The following FAM177A1 variants were observed in gnomAD, a reference collection of about 807,000 sequenced individuals.
FAM177A1 encodes family with sequence similarity 177 member A1, also known as protein FAM177A1.
In FAM177A1, 22 loss-of-function variants were observed where a neutral mutation model predicts 26.1. That is an observed-to-expected ratio of 0.84 (90% CI 0.60 to 1.20). The LOEUF is 1.20. FAM177A1 is among the 50% of genes most tolerant of loss of function. The probability of loss-of-function intolerance (pLI) is 0.00; values close to 1 mark genes in which losing one functional copy is unlikely to be tolerated. For missense variants in FAM177A1, 296 were observed against 291.1 expected, an observed-to-expected ratio of 1.02 and a Z score of -0.12; for synonymous variants, 95 against 99.3, an observed-to-expected ratio of 0.96 and a Z score of 0.26.
At position 35,077,285 on chromosome 14, in the gene FAM177A1, T is replaced by C. The variant is rs551753207; in HGVS notation, c.406+69T>C. ...CTTCAGCAACAGGAACTTTGCTAAATAGGATGTTTCCAAACTGAAGGAGAA... is the reference window on the plus strand; with the variant it reads ...CTTCAGCAACAGGAACTTTGCTAAACAGGATGTTTCCAAACTGAAGGAGAA... On this transcript the variant is annotated intron_variant, in intron 3 of 4. Transcript: ENST00000280987. 9 of 1,415,018 alleles carry C rather than the reference T, an allele frequency of 6.4e-6. No homozygotes were observed. The African/African-American group carries it at 9.9e-5, about 16-fold the overall frequency. 87.7% of individuals were successfully genotyped at this position (1,415,018 alleles called of 1,614,324 possible).
chr14:35,072,970 G>T (rs374569218), intron 2 of FAM177A1, among the ~76,000 whole-genome samples: 11 of 152,290 alleles, frequency 7.2e-5, no homozygotes, highest in African/African-American at 2.6e-4. Context: ...AATTTGTTTC[G>T]TGTTGATGTC....
rs1380213974 is a variant in FAM177A1 at position 35,081,485 on chromosome 14, G to A, written c.*257G>A. 3.5e-6 allele frequency: 1 copy of A among 285,076 alleles called. No individual in the cohort carries two copies. The highest frequency in any genetic ancestry group is 6.4e-6 in the Non-Finnish European group (1 of 156,336). The allele number at this position is 285,076 out of a possible 1,614,324, so 17.7% of individuals were successfully genotyped here. On this transcript the variant is annotated 3_prime_UTR_variant, in exon 5 of 5. Coordinates refer to ENST00000280987, the MANE Select transcript of FAM177A1 (RefSeq NM_173607.5). Reference sequence around the variant, plus strand: ...AAAATGATCTTTTAAAAAAGTTAAGGACATCCTAGAGCCTTAATAGTTAAG... The same window carrying A: ...AAAATGATCTTTTAAAAAAGTTAAGAACATCCTAGAGCCTTAATAGTTAAG...
intron 2 of FAM177A1, among the ~76,000 whole-genome samples, chr14:35,057,434 G>A (rs1199982442): frequency 6.6e-6 from 1 of 151,822 alleles, no homozygotes; most frequent in African/African-American, 2.4e-5. Flanking sequence ...CCAGGCTGGA[G>A]AGTGGCATGA....
intron 2 of FAM177A1, among the ~76,000 whole-genome samples, chr14:35,071,008 T>C (rs1595053363): frequency 6.6e-6 from 1 of 151,928 alleles, no homozygotes; most frequent in East Asian, 1.9e-4. Context: ...TCTTTCTTTT[T>C]TTTTTTGAGA....
Position 35,082,661 on chromosome 14 carries a change from T to C in FAM177A1, c.*1433T>C, listed in dbSNP as rs2045503867. 1 of 152,200 alleles carries C rather than the reference T, an allele frequency of 6.6e-6. No homozygotes were observed. The highest frequency in any genetic ancestry group is 2.1e-4 in the South Asian group (1 of 4,834). The allele number at this position is 152,200 out of a possible 1,614,324, so 9.4% of individuals were successfully genotyped here. A position where few individuals can be genotyped will look rare whatever the true frequency, so the allele number is the denominator to read the frequency against. ...AAGAATGTGTGGAGTGTTTCAGAAA[T>C]TTTGATCTTAAAAGCCTTTTCAGAA... is the stretch of plus-strand genomic sequence containing the variant. On this transcript the variant is annotated 3_prime_UTR_variant, in exon 5 of 5. Coordinates refer to ENST00000280987, the MANE Select transcript of FAM177A1 (RefSeq NM_173607.5).
chr14:35,078,753 G>A (rs533654975), intron 3 of FAM177A1, among the ~76,000 whole-genome samples, 174 bp from the exon 4 acceptor site: 9 of 152,238 alleles, frequency 5.9e-5, no homozygotes, highest in African/African-American at 2.2e-4. Context: ...TGAAGCCACC[G>A]GTACTTCTTG....
intron 2 of FAM177A1, among the ~76,000 whole-genome samples, chr14:35,059,352 C>A (rs904128254): frequency 1.3e-5 from 2 of 151,904 alleles, no homozygotes; most frequent in African/African-American, 2.4e-5. Flanking sequence ...TTTTTTTAAT[C>A]CAATCTAACA....
intron 2 of FAM177A1, among the ~76,000 whole-genome samples, chr14:35,060,744 A>G (rs2045138799): frequency 6.6e-6 from 1 of 152,198 alleles, no homozygotes; most frequent in South Asian, 2.1e-4. Context: ...TCCCAGTTAC[A>G]GTAGTCCCCC....
intron 2 of FAM177A1, among the ~76,000 whole-genome samples, chr14:35,071,634 T>C (rs1051065992): frequency 3.3e-5 from 5 of 152,190 alleles, no homozygotes; most frequent in African/African-American, 1.2e-4. Flanking sequence ...ATGATAAATG[T>C]TATTCAGGAA....
intron 1 of FAM177A1, among the ~76,000 whole-genome samples, chr14:35,052,003 G>C (rs1200350248): frequency 6.6e-6 from 1 of 152,140 alleles, no homozygotes; most frequent in African/African-American, 2.4e-5. Context: ...AATCTTTATA[G>C]AGAACAAAAT....
chr14:35,055,407 A>G (rs2045045303), intron 2 of FAM177A1, among the ~76,000 whole-genome samples: 1 of 151,696 alleles, frequency 6.6e-6, no homozygotes, highest in Non-Finnish European at 1.5e-5. Context: ...GGGGTACATA[A>G]CTAGGACTAG....
chr14:35,081,151 A>C lies in FAM177A1; in HGVS notation c.634A>C (p.Asn212His), dbSNP rs369006342. Residue 212 changes from asparagine (N) to histidine (H), a missense_variant, in exon 5 of 5, where the codon AAT (asparagine) becomes CAT (histidine). Asn to His is a moderately conservative substitution (Grantham distance 68, BLOSUM62 1). Coordinates refer to ENST00000280987, the MANE Select transcript of FAM177A1 (RefSeq NM_173607.5). ...GACAGTGATATCCAGCTCATTTGTG[A>C]ATGTCAATTTTGAAATGGAGGGAGA... ...PETVISSSFV[N>H]VNFEMEGDSE... The C allele has an allele frequency of 5.6e-5, 90 of 1,613,622 alleles. No homozygotes were observed. Among genetic ancestry groups the C allele is most frequent in the Non-Finnish European group, 7.3e-5 (86 of 1,179,868 alleles).
rs2139050580 is a variant in FAM177A1 at position 35,046,282 on chromosome 14, T to C, written c.-182T>C. The C allele has an allele frequency of 1.6e-6, 1 of 618,198 alleles. No individual in the cohort carries two copies. Among genetic ancestry groups the C allele is most frequent in the Non-Finnish European group, 2.5e-6 (1 of 402,758 alleles). The allele number at this position is 618,198 out of a possible 1,614,324, so 38.3% of individuals were successfully genotyped here. On this transcript the variant is annotated 5_prime_UTR_variant, in exon 1 of 5. Coordinates refer to ENST00000280987, the MANE Select transcript of FAM177A1 (RefSeq NM_173607.5). ...GTAGTTGCGCCTCCCAGACTGCAGT[T>C]GGCCAGCTCTCGGGGTGCGGAGCCC...
At chr14:35,070,983 T>TTTTC (rs142474332) in intron 2 of FAM177A1, among the ~76,000 whole-genome samples, 22,956 of 150,238 alleles carry the variant, frequency 0.15, 1,917 homozygotes, top group Middle Eastern at 0.21. Flanking sequence ...TTGACCTCCA[T>TTTTC]TTTCTTTCTT....
At chr14:35,079,632 C>T (rs1173173215) in intron 4 of FAM177A1, among the ~76,000 whole-genome samples, 1 of 152,170 alleles carries the variant, frequency 6.6e-6, no homozygotes, top group Non-Finnish European at 1.5e-5. Flanking sequence ...CCTCTATAAG[C>T]CTCAATCTCC....
At chr14:35,048,750 G>A (rs2044915376) in intron 1 of FAM177A1, among the ~76,000 whole-genome samples, 2 of 152,044 alleles carry the variant, frequency 1.3e-5, no homozygotes, top group South Asian at 4.1e-4. Flanking sequence ...AGGAGATGGA[G>A]AGGCCTCTAT....
At chr14:35,056,557 A>G (rs1482605288) in intron 2 of FAM177A1, among the ~76,000 whole-genome samples, 2 of 151,358 alleles carry the variant, frequency 1.3e-5, no homozygotes, top group Non-Finnish European at 2.9e-5. Context: ...TGGGGTTTCA[A>G]CATGTTGGTC....
chr14:35,062,595 G>T (rs1321487204), intron 2 of FAM177A1, among the ~76,000 whole-genome samples: 1 of 152,038 alleles, frequency 6.6e-6, no homozygotes, highest in East Asian at 1.9e-4. Flanking sequence ...ACCTGTAGTT[G>T]TTTTTAAAGA....
At chr14:35,057,829 G>A (rs2045086154) in intron 2 of FAM177A1, among the ~76,000 whole-genome samples, 1 of 151,662 alleles carries the variant, frequency 6.6e-6, no homozygotes, top group Non-Finnish European at 1.5e-5. Flanking sequence ...ATGCCATTCT[G>A]ATCAGAGAAC....
Sources: gnomAD v4.1 joint callset for allele counts (sites outside exome capture counted in the v4.1 genomes callset) on GRCh38, gnomAD v4.1.1 for gene constraint, MANE v1.5 for transcripts, NCBI Gene and HGNC (gene_info 2026-07-23, HGNC 2026-07-21) for gene names.